Variants in ZNF446 observed in about 807,000 individuals in gnomAD.
The protein encoded by ZNF446 is zinc finger protein with KRAB and SCAN domains 20.
A neutral mutation model predicts 34.0 loss-of-function variants in ZNF446; 42 were observed. The ratio of observed to expected loss-of-function variants is 1.23; its 90% CI spans 0.96 to 1.60. ZNF446 has a LOEUF of 1.60. Among genes scored for constraint, ZNF446 ranks in the 40% most tolerant of loss-of-function variants. The pLI is 0.00. For synonymous variants in ZNF446, 315 were observed against 251.0 expected, an observed-to-expected ratio of 1.25 and a Z score of -2.41; for missense variants, 650 against 600.2, an observed-to-expected ratio of 1.08 and a Z score of -0.87.
chr19:58,480,052 C>A lies in ZNF446; in HGVS notation c.802+33C>A, dbSNP rs779620945. 6.4e-7 allele frequency: 1 copy of A among 1,567,832 alleles called. No individual in the cohort carries two copies. The highest frequency in any genetic ancestry group is 2.0e-4 in the Middle Eastern group (1 of 4,972). On this transcript the variant is annotated intron_variant, in intron 6 of 6. Coordinates refer to ENST00000594369, the MANE Select transcript of ZNF446 (RefSeq NM_017908.4). This position sits in a 1 kb window ranked among gnomAD's most constrained non-coding sequence, Gnocchi z 7.2. ...CCCCACACCATCCAGCCTGAATCACCCCTCCTGTATCGGTGGGACCTGAGC... is the reference window on the plus strand; with the variant it reads ...CCCCACACCATCCAGCCTGAATCACACCTCCTGTATCGGTGGGACCTGAGC...
At chr19:58,478,299 A>G in intron 4 of ZNF446, 118 bp downstream of exon 4, 1 of 905,706 alleles carries the variant, frequency 1.1e-6, no homozygotes, top group South Asian at 1.7e-5. Context: ...GCTTCCCAGA[A>G]GTGGAGTCTG....
intron 4 of ZNF446, among the ~76,000 whole-genome samples, chr19:58,478,970 G>T (rs772811376): frequency 3.3e-5 from 5 of 152,202 alleles, no homozygotes; most frequent in African/African-American, 2.4e-5. Flanking sequence ...AGGCCTGGAA[G>T]CTCAGCTTGA....
intron 1 of ZNF446, among the ~76,000 whole-genome samples, chr19:58,476,732 C>T (rs1449236184): frequency 6.6e-6 from 1 of 152,158 alleles, no homozygotes; most frequent in East Asian, 1.9e-4. Flanking sequence ...CAGTCAACCT[C>T]CCCGAGATTG....
chr19:58,477,836 G>T lies in ZNF446; in HGVS notation c.532+10G>T, dbSNP rs778624845. Reference sequence around the variant, plus strand: ...GATGGACAGGAAGTGGGTGAGGTTGGGGTCCCACCAGAGATGAGGGACTCC... The same window carrying T: ...GATGGACAGGAAGTGGGTGAGGTTGTGGTCCCACCAGAGATGAGGGACTCC... On this transcript the variant is annotated intron_variant, in intron 3 of 6. Transcript: ENST00000594369. 9.2e-5 allele frequency: 141 copies of T among 1,535,666 alleles called. No individual in the cohort carries two copies. The highest frequency in any genetic ancestry group is 1.1e-4 in the Non-Finnish European group (130 of 1,144,348).
At chr19:58,484,857 A>C (rs570981161), downstream of ZNF446, among the ~76,000 whole-genome samples, 26 of 152,054 alleles carry the variant, frequency 1.7e-4, no homozygotes, top group Admixed American at 2.0e-4. Context: ...CAGGAATTCA[A>C]GACCAGCTTG....
chr19:58,477,214 C>T lies in ZNF446; in HGVS notation c.-5C>T. 1 of 1,545,726 alleles carries T rather than the reference C, an allele frequency of 6.5e-7. No individual in the cohort carries two copies. ...ACGATTCCAAGACCACCCCCTTGAG[C>T]AAGAATGCCATCCCCTCTGGGTCCC... On this transcript the variant is annotated 5_prime_UTR_variant, in exon 2 of 7. Transcript: ENST00000594369.
Position 58,480,136 on chromosome 19 carries a change from G to A in ZNF446, c.803-40G>A, listed in dbSNP as rs1008941882. ...CGGCCACAAGCCTGAGGGAGGGGTT[G>A]CTGAGTGCCGGGACTCACCTGGTTT... is the stretch of plus-strand genomic sequence containing the variant. On this transcript the variant is annotated intron_variant, in intron 6 of 6. Transcript: ENST00000594369. This position sits in a 1 kb window ranked among gnomAD's most constrained non-coding sequence, Gnocchi z 7.2. 2.5e-6 allele frequency: 4 copies of A among 1,575,600 alleles called. No individual in the cohort carries two copies. Among genetic ancestry groups the A allele is most frequent in the Non-Finnish European group, 3.4e-6 (4 of 1,167,528 alleles).
downstream of ZNF446, among the ~76,000 whole-genome samples, chr19:58,484,798 C>T (rs942127817): frequency 5.9e-5 from 9 of 152,188 alleles, no homozygotes; most frequent in Non-Finnish European, 1.2e-4. Flanking sequence ...TGGTTCACTC[C>T]TGTAATTCCA....
chr19:58,488,389 G>C, the ZNF446 span, among the ~76,000 whole-genome samples: 1 of 152,392 alleles, frequency 6.6e-6, no homozygotes, highest in South Asian at 2.1e-4. Flanking sequence ...GGCTTCACCT[G>C]CCTTGCTCGT....
chr19:58,479,929 G>A lies in ZNF446; in HGVS notation c.713-1G>A. The A allele has an allele frequency of 1.3e-6, 2 of 1,571,644 alleles. No homozygotes were observed. Among genetic ancestry groups the A allele is most frequent in the East Asian group, 4.7e-5 (2 of 42,950 alleles). On this transcript the variant is annotated splice_acceptor_variant, in intron 5 of 6. Coordinates refer to ENST00000594369, the MANE Select transcript of ZNF446 (RefSeq NM_017908.4). LOFTEE classifies it high-confidence loss of function. ...CCTAACTGTGCCCCCCACCCGGGCAGGGTTACCGCCCCACCAGCCAGAGGC... is the reference window on the plus strand; with the variant it reads ...CCTAACTGTGCCCCCCACCCGGGCAAGGTTACCGCCCCACCAGCCAGAGGC...
intron 4 of ZNF446, among the ~76,000 whole-genome samples, chr19:58,478,852 C>G (rs1480740109): frequency 6.6e-6 from 1 of 151,912 alleles, no homozygotes; most frequent in Non-Finnish European, 1.5e-5. Context: ...GAGAAGATGA[C>G]CAGCTGTGGC....
Position 58,480,525 on chromosome 19 carries a change from C to A in ZNF446, c.1152C>A (p.His384Gln), listed in dbSNP as rs1163034012. The A allele has an allele frequency of 6.2e-7, 1 of 1,612,608 alleles. No individual in the cohort carries two copies. Among genetic ancestry groups the A allele is most frequent in the Non-Finnish European group, 8.5e-7 (1 of 1,179,642 alleles). ...AAGGGGAGGTGGCCTTTCCGCACCACCCCCGACGCTCACTCACAGGCCCCC... is the reference window on the plus strand; with the variant it reads ...AAGGGGAGGTGGCCTTTCCGCACCAACCCCGACGCTCACTCACAGGCCCCC... The part of the protein sequence containing the change: ...PPQGEVAFPH[H>Q]PRRSLTGPRS... The change falls in exon 7 of 7, where the codon CAC becomes CAA. Residue 384 changes from histidine (H) to glutamine (Q), a missense_variant. Physicochemically the swap from His to Gln is conservative, Grantham distance 24. Transcript: ENST00000594369. This position sits in a 1 kb window ranked among gnomAD's most constrained non-coding sequence, Gnocchi z 7.2.
downstream of ZNF446, among the ~76,000 whole-genome samples, chr19:58,484,032 A>T (rs1043947577): frequency 2.0e-5 from 3 of 152,258 alleles, no homozygotes; most frequent in African/African-American, 7.2e-5. Context: ...TCAAAATGGG[A>T]TTGGTGAGTT....
downstream of ZNF446, among the ~76,000 whole-genome samples, chr19:58,484,684 T>A (rs2053160418): frequency 6.6e-6 from 1 of 151,772 alleles, no homozygotes; most frequent in Admixed American, 6.6e-5. Context: ...TTCGATAAAA[T>A]TTTTTTTAAA....
At chr19:58,484,289 AAAAAAC>A (rs1391192634), downstream of ZNF446, among the ~76,000 whole-genome samples, 18 of 148,580 alleles carry the variant, frequency 1.2e-4, no homozygotes, top group African/African-American at 4.5e-4. Context: ...AAAAAAAAAA[AAAAAAC>A]ACACAATTAA....
chr19:58,478,520 C>T (rs1384485919), intron 4 of ZNF446, among the ~76,000 whole-genome samples: 1 of 151,964 alleles, frequency 6.6e-6, no homozygotes, highest in East Asian at 1.9e-4. Flanking sequence ...AAAAATTAGC[C>T]AGAAGTGGTG....
chr19:58,481,777 G>GGTTTT (rs113757723), downstream of ZNF446, among the ~76,000 whole-genome samples: 1,860 of 151,904 alleles, frequency 0.012, 26 homozygotes, highest in African/African-American at 0.033. Context: ...CTAAAATCAA[G>GGTTTT]GTTTTGTTTT....
chr19:58,477,970 G>A, intron 3 of ZNF446, 117 bp from the exon 4 acceptor site: 1 of 1,318,292 alleles, frequency 7.6e-7, no homozygotes, highest in Non-Finnish European at 1.0e-6. Context: ...TGGGGACCTG[G>A]GAGGCAGGAG....
intron 1 of ZNF446, among the ~76,000 whole-genome samples, chr19:58,476,777 G>GC (rs1246667111): frequency 6.6e-6 from 1 of 151,884 alleles, no homozygotes; most frequent in African/African-American, 2.4e-5. Context: ...TTACAGCCTG[G>GC]CCCCACCTTC....
Sources: gnomAD v4.1 joint callset for allele counts (sites outside exome capture counted in the v4.1 genomes callset) on GRCh38, gnomAD v4.1.1 for gene constraint, Gnocchi (gnomAD v3.1) non-coding constraint, MANE v1.5 for transcripts, NCBI Gene and HGNC (gene_info 2026-07-23, HGNC 2026-07-21) for gene names.